PSMD14: variants seen among roughly 807,000 people sequenced by gnomAD.
PSMD14 encodes the protein ubiquitin C-terminal hydrolase PSMD14.
In PSMD14, 7 loss-of-function variants were observed where a neutral mutation model predicts 41.2. That is an observed-to-expected ratio of 0.17 (90% CI 0.10 to 0.32). PSMD14 has a LOEUF of 0.32. Among genes scored for constraint, PSMD14 ranks in the 10% least tolerant of loss-of-function variants. The pLI is 1.00. For synonymous variants in PSMD14, 114 were observed against 122.3 expected (o/e 0.93, Z 0.45); for missense variants, 139 against 375.6 (o/e 0.37, Z 5.21).
chr2:161,363,122 G>A (rs540324094), intron 3 of PSMD14, among the ~76,000 whole-genome samples: 2 of 152,248 alleles, frequency 1.3e-5, no homozygotes, highest in African/African-American at 4.8e-5. Context: ...TATTCTCATA[G>A]GAGCACAAAC....
chr2:161,395,652 C>G (rs1240942861), intron 10 of PSMD14, among the ~76,000 whole-genome samples: 1 of 152,102 alleles, frequency 6.6e-6, no homozygotes, highest in Non-Finnish European at 1.5e-5. Context: ...TATTGAAAAT[C>G]TAATGTGCCA....
Position 161,402,274 on chromosome 2 carries a change from A to C in PSMD14, c.772-6563A>C, listed in dbSNP as rs548534160. 2.1e-4 allele frequency among the ~76,000 whole-genome samples: 32 copies of C among 152,356 alleles called. No individual in the cohort carries two copies. In the South Asian group the frequency reaches 3.3e-3, roughly 16 times the overall value. On this transcript the variant is annotated intron_variant, in intron 10 of 11. Coordinates refer to ENST00000409682, the MANE Select transcript of PSMD14 (RefSeq NM_005805.6). Reference sequence around the variant, plus strand: ...TGCATCAAAGAAAACTATTTAAAAAAAGAGAAAAGACAACCTACAAAGTGG... The same window carrying C: ...TGCATCAAAGAAAACTATTTAAAAACAGAGAAAAGACAACCTACAAAGTGG...
chr2:161,359,769 T>G (rs1375528033), intron 3 of PSMD14, among the ~76,000 whole-genome samples: 1 of 152,168 alleles, frequency 6.6e-6, no homozygotes, highest in Admixed American at 6.5e-5. Flanking sequence ...GGAAGTGAAC[T>G]AAGCTCCCAG....
At chr2:161,376,473 A>G (rs1683504463) in intron 7 of PSMD14, among the ~76,000 whole-genome samples, 1 of 151,960 alleles carries the variant, frequency 6.6e-6, no homozygotes, top group Non-Finnish European at 1.5e-5. Flanking sequence ...GCAAGTTTTG[A>G]TAAGAACAAG....
intron 9 of PSMD14, among the ~76,000 whole-genome samples, chr2:161,393,971 ATTTTTT>A (rs11452254): frequency 2.0e-4 from 20 of 100,908 alleles, no homozygotes; most frequent in Admixed American, 1.2e-3. Flanking sequence ...ACACTAGATA[ATTTTTT>A]TTTTTTTTTT....
chr2:161,370,040 A>G (rs1345161633), intron 5 of PSMD14, 67 bp from the exon 6 acceptor site: 2 of 1,234,202 alleles, frequency 1.6e-6, no homozygotes, highest in African/African-American at 1.5e-5. Context: ...ACCCCAAATA[A>G]TATACATAGG....
At chr2:161,348,242 G>A (rs545140813) in intron 3 of PSMD14, among the ~76,000 whole-genome samples, 15 of 152,184 alleles carry the variant, frequency 9.9e-5, no homozygotes, top group African/African-American at 3.6e-4. Flanking sequence ...TTATAACAGG[G>A]TTTGATAATC....
chr2:161,385,126 A>G (rs533676951), intron 7 of PSMD14: 1 of 158,534 alleles, frequency 6.3e-6, no homozygotes, highest in Admixed American at 6.5e-5. Flanking sequence ...ATTCATTTTG[A>G]TTAGGTAAAA....
Position 161,389,892 on chromosome 2 carries a change from T to TTTTTTTTTTTTTTTTTTTTTTG in PSMD14, c.571-1192_571-1191insTGTTTTTTTTTTTTTTTTTTTT, listed in dbSNP as rs1683688244. 4.5e-4 allele frequency among the ~76,000 whole-genome samples: 2 copies of TTTTTTTTTTTTTTTTTTTTTTG among 4,470 alleles called. 1 individual carries two copies. The highest frequency in any genetic ancestry group is 1.1e-3 in the African/African-American group (2 of 1,898). The allele number at this position is 4,470 out of a possible 152,430, so 2.9% of individuals were successfully genotyped here. ...CTTATTTTCTTTCTTTTTTGTTGTT[T>TTTTTTTTTTTTTTTTTTTTTTG]TTTTTTTTTTTTTTTTTTTTAGAGA... On this transcript the variant is annotated intron_variant, in intron 8 of 11. Transcript: ENST00000409682.
At chr2:161,319,137 G>A in intron 3 of PSMD14, 1 of 301,248 alleles carries the variant, frequency 3.3e-6, no homozygotes, top group Admixed American at 5.0e-5. Flanking sequence ...GATTATCAAA[G>A]TTGGCTTTTA....
rs750886301 is a variant in PSMD14 at position 161,385,606 on chromosome 2, T to C, written c.570+35T>C. 1.1e-5 allele frequency: 14 copies of C among 1,330,980 alleles called. No homozygotes were observed. The African/African-American group carries it at 2.0e-4, about 19-fold the overall frequency. 82.4% of individuals were successfully genotyped at this position (1,330,980 alleles called of 1,614,324 possible). On this transcript the variant is annotated intron_variant, in intron 8 of 11. Coordinates refer to ENST00000409682, the MANE Select transcript of PSMD14 (RefSeq NM_005805.6). Reference sequence around the variant, plus strand: ...ATATTTGATAATGTGTTAAAACTCTTTTAAATTTTAAAAGCCTGCTATAAG... The same window carrying C: ...ATATTTGATAATGTGTTAAAACTCTCTTAAATTTTAAAAGCCTGCTATAAG...
At chr2:161,320,524 G>T (rs972620029) in intron 3 of PSMD14, among the ~76,000 whole-genome samples, 2 of 151,986 alleles carry the variant, frequency 1.3e-5, no homozygotes, top group African/African-American at 4.8e-5. Context: ...ATCTCAATTA[G>T]ATGATAAACT....
intron 1 of PSMD14, 185 bp downstream of exon 1, chr2:161,308,789 C>G (rs1479911241): frequency 6.6e-6 from 1 of 152,562 alleles, no homozygotes; most frequent in East Asian, 1.9e-4. Context: ...AGGGTCAGGT[C>G]TGGATGTCGC....
intron 1 of PSMD14, among the ~76,000 whole-genome samples, chr2:161,315,930 C>T (rs907051760): frequency 8.7e-5 from 13 of 149,378 alleles, no homozygotes; most frequent in African/African-American, 3.2e-4. Context: ...TGCAATCCAC[C>T]TCTGGGGTTC....
At chr2:161,340,600 A>G (rs1682938030) in intron 3 of PSMD14, among the ~76,000 whole-genome samples, 1 of 151,968 alleles carries the variant, frequency 6.6e-6, no homozygotes, top group Non-Finnish European at 1.5e-5. Context: ...AACAGACATG[A>G]ACATCTCTAC....
chr2:161,360,149 T>C (rs1210033742), intron 3 of PSMD14, among the ~76,000 whole-genome samples: 1 of 151,598 alleles, frequency 6.6e-6, no homozygotes, highest in African/African-American at 2.4e-5. Flanking sequence ...TAAACAAAGA[T>C]AAACAGCTTT....
intron 10 of PSMD14, among the ~76,000 whole-genome samples, chr2:161,400,658 A>G (rs960586327): frequency 2.0e-5 from 3 of 152,288 alleles, no homozygotes; most frequent in East Asian, 1.9e-4. Context: ...GGCTCAAGCA[A>G]TCCTCCTGCC....
At position 161,316,520 on chromosome 2, in the gene PSMD14, A is replaced by G. The variant is rs992184578; in HGVS notation, c.-54A>G. On this transcript the variant is annotated 5_prime_UTR_variant, in exon 2 of 12. Coordinates refer to ENST00000409682, the MANE Select transcript of PSMD14 (RefSeq NM_005805.6). ...GCTTTCTTTAAGAAGACATTTGTCA[A>G]ACTCAACAAATTGAAGGTTAACACC... 1 of 152,242 alleles carries G rather than the reference A, an allele frequency of 6.6e-6. No homozygotes were observed. Among genetic ancestry groups the G allele is most frequent in the Admixed American group, 6.5e-5 (1 of 15,292 alleles). The allele number at this position is 152,242 out of a possible 1,614,324, so 9.4% of individuals were successfully genotyped here. A position where few individuals can be genotyped will look rare whatever the true frequency, so the allele number is the denominator to read the frequency against.
chr2:161,352,159 C>T (rs1321899475), intron 3 of PSMD14, among the ~76,000 whole-genome samples: 2 of 152,182 alleles, frequency 1.3e-5, no homozygotes, highest in Non-Finnish European at 2.9e-5. Context: ...TCATTAACCT[C>T]ACAATAATGA....
Sources: gnomAD v4.1 joint callset for allele counts (sites outside exome capture counted in the v4.1 genomes callset) on GRCh38, gnomAD v4.1.1 for gene constraint, MANE v1.5 for transcripts, NCBI Gene and HGNC (gene_info 2026-07-23, HGNC 2026-07-21) for gene names.